Variants in FREM1 observed in about 807,000 individuals in gnomAD.
The protein encoded by FREM1 is FRAS1-related extracellular matrix protein 1.
Under a neutral mutation model 210.1 loss-of-function variants are expected in FREM1, and 220 were observed. That is an observed-to-expected ratio of 1.05 (90% CI 0.94 to 1.17). FREM1 has a LOEUF of 1.17. Ranked by LOEUF, FREM1 falls within the 50% of genes most tolerant of loss-of-function variation. The pLI is 0.00. For synonymous variants in FREM1, 1,189 were observed against 980.2 expected (o/e 1.21, Z -3.98); for missense variants, 3,454 against 2,675.5 (o/e 1.29, Z -6.42).
chr9:14,841,371 TG>T (rs1825671648), intron 10 of FREM1, 75 bp downstream of exon 10: 1 of 1,217,228 alleles, frequency 8.2e-7, no homozygotes, highest in African/African-American at 1.5e-5. Context: ...TATTTTCATG[TG>T]GTTTCTAACC....
chr9:14,824,485 T>C (rs1821969314), intron 11 of FREM1, among the ~76,000 whole-genome samples: 1 of 152,214 alleles, frequency 6.6e-6, no homozygotes. Context: ...AAAACTAATG[T>C]TAGGAAGACC....
intron 17 of FREM1, among the ~76,000 whole-genome samples, chr9:14,807,365 T>C (rs1818560065): frequency 6.6e-6 from 1 of 152,178 alleles, no homozygotes; most frequent in East Asian, 1.9e-4. Context: ...GCTGGGATAA[T>C]GCTTTCTTTC....
chr9:14,796,141 C>T (rs941782793), intron 21 of FREM1, among the ~76,000 whole-genome samples: 1 of 152,128 alleles, frequency 6.6e-6, no homozygotes, highest in African/African-American at 2.4e-5. Flanking sequence ...ATCAGTGGCT[C>T]ATAGGGAACA....
intron 29 of FREM1, among the ~76,000 whole-genome samples, chr9:14,751,145 T>C (rs1336880975): frequency 6.6e-6 from 1 of 151,942 alleles, no homozygotes; most frequent in East Asian, 1.9e-4. Context: ...GAAGAACAAG[T>C]GGTGGAAGGA....
chr9:14,759,653 A>T, intron 28 of FREM1, 119 bp downstream of exon 28: 1 of 875,260 alleles, frequency 1.1e-6, no homozygotes, highest in Non-Finnish European at 1.7e-6. Flanking sequence ...GAATAGTGGG[A>T]TCTCCCTGCA....
chr9:14,895,365 A>G lies in FREM1; in HGVS notation c.-268+14549T>C, dbSNP rs116224935. Among the ~76,000 whole-genome samples, 696 of 152,282 alleles carry G rather than the reference A, an allele frequency of 4.6e-3. 11 individuals are homozygous for G. The highest frequency in any genetic ancestry group is 0.016 in the African/African-American group (663 of 41,544). On this transcript the variant is annotated intron_variant, in intron 1 of 36. Transcript: ENST00000380880. ...ACTATGGTACACCTGATTAGATTCT[A>G]GTCTCATCAGTTGTTTTTTGAGTAT... is the stretch of plus-strand genomic sequence containing the variant.
intron 8 of FREM1, among the ~76,000 whole-genome samples, chr9:14,844,707 C>G (rs1313364409): frequency 6.6e-6 from 1 of 152,218 alleles, no homozygotes; most frequent in Non-Finnish European, 1.5e-5. Context: ...TTTAAAAATA[C>G]TCAGGCTTCC....
Position 14,747,170 on chromosome 9 carries a change from C to T in FREM1, c.6009+94G>A, listed in dbSNP as rs1053579583. The stretch of plus-strand genomic sequence containing the variant: ...CATTTGTGTTGGGTAAACTATCCCC[C>T]CAACCTTGGAGGCTATTTTGTGAAT... On this transcript the variant is annotated intron_variant, in intron 33 of 36. Coordinates refer to ENST00000380880, the MANE Select transcript of FREM1 (RefSeq NM_001379081.2). The T allele has an allele frequency of 3.8e-6, 6 of 1,576,684 alleles. No homozygotes were observed. In the African/African-American group the frequency reaches 6.8e-5, roughly 18 times the overall value.
chr9:14,835,503 T>C (rs1231058797), intron 10 of FREM1, among the ~76,000 whole-genome samples: 2 of 152,144 alleles, frequency 1.3e-5, no homozygotes, highest in East Asian at 3.9e-4. Context: ...TAAAGCCCCT[T>C]AGGGAGAACT....
chr9:14,909,444 G>C (rs902137912), intron 1 of FREM1, among the ~76,000 whole-genome samples: 2 of 152,098 alleles, frequency 1.3e-5, no homozygotes, highest in Non-Finnish European at 2.9e-5. Context: ...TCATGTTTTT[G>C]AAAATATGTC....
intron 15 of FREM1, among the ~76,000 whole-genome samples, chr9:14,815,767 C>T (rs1257015490): frequency 4.6e-5 from 7 of 152,128 alleles, no homozygotes; most frequent in African/African-American, 1.7e-4. Flanking sequence ...CCTGCCTCAG[C>T]CTCCCAAGTA....
chr9:14,870,195 T>C (rs184138653), intron 1 of FREM1, among the ~76,000 whole-genome samples: 5 of 152,372 alleles, frequency 3.3e-5, no homozygotes, highest in South Asian at 2.1e-4. Flanking sequence ...AAAATGAATG[T>C]TTGTCAGAAG....
chr9:14,769,452 C>T (rs1444145271), intron 27 of FREM1, among the ~76,000 whole-genome samples: 2 of 152,086 alleles, frequency 1.3e-5, no homozygotes, highest in African/African-American at 4.8e-5. Flanking sequence ...CAGAACCCTC[C>T]CTGTGTATAA....
chr9:14,784,547 C>G lies in FREM1; in HGVS notation c.4265G>C (p.Gly1422Ala), dbSNP rs747709126. Residue 1422 changes from glycine (G) to alanine (A), a missense_variant, in exon 24 of 37, where the codon GGA becomes GCA. Transcript: ENST00000380880. ...LTTTTLLAVD[G>A]TDKPEELLYV... ...GAGCAGTTCCTCAGGCTTGTCTGTT[C>G]CGTCCACAGCCAGGAGCGTGGTGGT... is the stretch of plus-strand genomic sequence containing the variant. 6.2e-7 allele frequency: 1 copy of G among 1,613,458 alleles called. No homozygotes were observed. The highest frequency in any genetic ancestry group is 8.5e-7 in the Non-Finnish European group (1 of 1,179,694).
chr9:14,881,625 T>C (rs1834808131), intron 1 of FREM1, among the ~76,000 whole-genome samples: 1 of 152,218 alleles, frequency 6.6e-6, no homozygotes, highest in Non-Finnish European at 1.5e-5. Flanking sequence ...GTTTCACTTA[T>C]GATAACTTAG....
chr9:14,886,212 C>G (rs948170477), intron 1 of FREM1, among the ~76,000 whole-genome samples: 1 of 151,926 alleles, frequency 6.6e-6, no homozygotes, highest in Admixed American at 6.6e-5. Flanking sequence ...TGGTGAAACC[C>G]TGTCTCTACT....
At position 14,890,948 on chromosome 9, in the gene FREM1, T is replaced by C. The variant is rs147158538; in HGVS notation, c.-268+18966A>G. On this transcript the variant is annotated intron_variant, in intron 1 of 36. Transcript: ENST00000380880. The stretch of plus-strand genomic sequence containing the variant: ...GCCAGAGCGTTGTATCATACAATTT[T>C]CACAACAGGTTGCTTTAATTGAATA... Among the ~76,000 whole-genome samples the C allele has an allele frequency of 3.8e-3, 576 of 152,326 alleles. 5 individuals carry two copies. Among genetic ancestry groups the C allele is most frequent in the African/African-American group, 0.013 (547 of 41,576 alleles).
intron 29 of FREM1, among the ~76,000 whole-genome samples, chr9:14,751,040 C>T (rs1409905543): frequency 6.6e-6 from 1 of 152,106 alleles, no homozygotes; most frequent in Middle Eastern, 3.2e-3. Context: ...CCCAGATACA[C>T]AAAATATTAA....
chr9:14,899,503 T>C (rs1182115021), intron 1 of FREM1, among the ~76,000 whole-genome samples: 1 of 152,180 alleles, frequency 6.6e-6, no homozygotes, highest in Non-Finnish European at 1.5e-5. Context: ...AAATAAAGTA[T>C]CTGAATGTCT....
Sources: gnomAD v4.1 joint callset for allele counts (sites outside exome capture counted in the v4.1 genomes callset) on GRCh38, gnomAD v4.1.1 for gene constraint, MANE v1.5 for transcripts, NCBI Gene and HGNC (gene_info 2026-07-23, HGNC 2026-07-21) for gene names.